The following USP12 variants were observed in gnomAD, a reference collection of about 807,000 sequenced individuals.
USP12 encodes the protein ubiquitin specific peptidase 12.
A neutral mutation model predicts 45.5 loss-of-function variants in USP12; 19 were observed. The observed-to-expected ratio is 0.42, with a 90% CI of 0.29 to 0.61. The LOEUF (loss-of-function observed/expected upper bound fraction) is 0.61, where lower values mean the gene tolerates loss of function less well. Ranked by LOEUF, USP12 falls within the 20% of genes least tolerant of loss-of-function variation. The pLI is 0.22. For missense variants in USP12, 242 were observed against 447.7 expected, an observed-to-expected ratio of 0.54 and a Z score of 4.15; for synonymous variants, 149 against 148.8, an observed-to-expected ratio of 1.00 and a Z score of -0.01.
intron 6 of USP12, among the ~76,000 whole-genome samples, chr13:27,076,537 G>T (rs374196279): frequency 1.3e-5 from 2 of 152,156 alleles, no homozygotes; most frequent in African/African-American, 4.8e-5. Flanking sequence ...AACAATTTTA[G>T]GTGATTATGG....
At chr13:27,096,995 A>G (rs1449461766) in intron 3 of USP12, among the ~76,000 whole-genome samples, 2 of 152,176 alleles carry the variant, frequency 1.3e-5, no homozygotes, top group Admixed American at 1.3e-4. Context: ...TCTTTAAAAA[A>G]GTTTTAAAAA....
intron 1 of USP12, 37 bp downstream of exon 1, chr13:27,171,555 T>TCCCGGCAGC: frequency 8.4e-7 from 1 of 1,189,066 alleles, no homozygotes; most frequent in African/African-American, 1.8e-5. Context: ...GCCCGAGAGG[T>TCCCGGCAGC]CCCGGCAGCC....
chr13:27,132,605 T>A (rs1057212292), intron 1 of USP12, among the ~76,000 whole-genome samples: 1 of 152,200 alleles, frequency 6.6e-6, no homozygotes, highest in Non-Finnish European at 1.5e-5. Context: ...AGTGTAAGTA[T>A]CTCAAGAGGG....
At chr13:27,118,579 T>C (rs1593193968) in intron 1 of USP12, among the ~76,000 whole-genome samples, 1 of 152,166 alleles carries the variant, frequency 6.6e-6, no homozygotes, top group Non-Finnish European at 1.5e-5. Flanking sequence ...GTCCCTGACA[T>C]ATGTTGAAAA....
chr13:27,080,443 C>T (rs1045953092), intron 6 of USP12, among the ~76,000 whole-genome samples: 1 of 152,182 alleles, frequency 6.6e-6, no homozygotes, highest in Non-Finnish European at 1.5e-5. Flanking sequence ...AGGGCAGATA[C>T]TCAGAGATGG....
At chr13:27,077,720 C>T (rs938071161) in intron 6 of USP12, 2 of 152,004 alleles carry the variant, frequency 1.3e-5, no homozygotes, top group African/African-American at 4.8e-5. Flanking sequence ...CTTGAACATA[C>T]GTGTAAGGAG....
At chr13:27,100,614 C>T (rs1244422084) in intron 3 of USP12, among the ~76,000 whole-genome samples, 1 of 152,178 alleles carries the variant, frequency 6.6e-6, no homozygotes, top group African/African-American at 2.4e-5. Context: ...GTGCATGCAC[C>T]TCAATCCCGT....
At chr13:27,112,426 G>A (rs935136524) in intron 2 of USP12, among the ~76,000 whole-genome samples, 9 of 151,216 alleles carry the variant, frequency 6.0e-5, no homozygotes, top group Non-Finnish European at 1.2e-4. Context: ...TGGGACCTCA[G>A]GCACTCAGGC....
Position 27,069,190 on chromosome 13 carries a change from A to G in USP12, c.*93T>C, listed in dbSNP as rs1358064665. On this transcript the variant is annotated 3_prime_UTR_variant, in exon 9 of 9. Transcript: ENST00000282344. ...TGCTACTGCCCCCTGAGCTTCCTGCATTTCTCTTTTCTTGAAAAATCAGTG... is the reference window on the plus strand; with the variant it reads ...TGCTACTGCCCCCTGAGCTTCCTGCGTTTCTCTTTTCTTGAAAAATCAGTG... 2 of 1,106,370 alleles carry G rather than the reference A, an allele frequency of 1.8e-6. No individual in the cohort carries two copies. The highest frequency in any genetic ancestry group is 1.8e-5 in the Admixed American group (1 of 54,876). 68.5% of individuals were successfully genotyped at this position (1,106,370 alleles called of 1,614,324 possible).
Position 27,129,872 on chromosome 13 carries a change from G to T in USP12, c.49-13276C>A, listed in dbSNP as rs144387368. Among the ~76,000 whole-genome samples, 2 of 152,124 alleles carry T rather than the reference G, an allele frequency of 1.3e-5. No individual in the cohort carries two copies. The highest frequency in any genetic ancestry group is 1.5e-5 in the Non-Finnish European group (1 of 68,014). On this transcript the variant is annotated intron_variant, in intron 1 of 8. Transcript: ENST00000282344. This position sits in a 1 kb window ranked among gnomAD's most constrained non-coding sequence, Gnocchi z 4.0. Reference sequence around the variant, plus strand: ...CTGGCTGCCAACTGGCATGAAGCACGGTCACATCCAAAACATACGAGTGGA... The same window carrying T: ...CTGGCTGCCAACTGGCATGAAGCACTGTCACATCCAAAACATACGAGTGGA...
chr13:27,150,405 T>C (rs1024915289), intron 1 of USP12, among the ~76,000 whole-genome samples: 11 of 152,042 alleles, frequency 7.2e-5, no homozygotes, highest in African/African-American at 2.7e-4. Flanking sequence ...GTTTCAAAAC[T>C]CTGAAAACTA....
intron 1 of USP12, among the ~76,000 whole-genome samples, chr13:27,130,008 A>G (rs921115413): frequency 1.3e-5 from 2 of 152,160 alleles, no homozygotes; most frequent in Non-Finnish European, 2.9e-5. Context: ...CTTAGAACCT[A>G]ATCAGACATT....
intron 2 of USP12, among the ~76,000 whole-genome samples, chr13:27,108,621 T>C (rs1488981358): frequency 1.3e-5 from 2 of 151,944 alleles, no homozygotes; most frequent in Non-Finnish European, 2.9e-5. Flanking sequence ...ATTACTGCAA[T>C]GGACCAAAAC....
intron 1 of USP12, chr13:27,170,125 A>G: frequency 2.5e-6 from 1 of 393,750 alleles, no homozygotes. Flanking sequence ...TCCATTTAAT[A>G]CAAATGCTTT....
intron 1 of USP12, among the ~76,000 whole-genome samples, chr13:27,124,714 T>C (rs1876146769): frequency 6.6e-6 from 1 of 152,116 alleles, no homozygotes; most frequent in African/African-American, 2.4e-5. Flanking sequence ...GGTGTGAAGG[T>C]ATAAACACAA....
chr13:27,150,664 A>C (rs1263765268), intron 1 of USP12, among the ~76,000 whole-genome samples: 1 of 152,206 alleles, frequency 6.6e-6, no homozygotes, highest in African/African-American at 2.4e-5. Flanking sequence ...ACGAGACTGC[A>C]ATGAGCTATA....
chr13:27,135,990 G>A (rs1322803407), intron 1 of USP12, among the ~76,000 whole-genome samples: 1 of 152,146 alleles, frequency 6.6e-6, no homozygotes, highest in African/African-American at 2.4e-5. Flanking sequence ...ATTCTCAAAT[G>A]ATTCCTGCCC....
intron 4 of USP12, among the ~76,000 whole-genome samples, chr13:27,092,547 C>A (rs1874367077): frequency 6.6e-6 from 1 of 152,228 alleles, no homozygotes; most frequent in South Asian, 2.1e-4. Context: ...AAGACAGTGA[C>A]CAGAAATACA....
intron 1 of USP12, among the ~76,000 whole-genome samples, chr13:27,162,256 A>C (rs1253290705): frequency 6.6e-6 from 1 of 152,236 alleles, no homozygotes; most frequent in Non-Finnish European, 1.5e-5. Context: ...CGGCCTACCC[A>C]AGTGAAAATA....
Sources: gnomAD v4.1 joint callset for allele counts (sites outside exome capture counted in the v4.1 genomes callset) on GRCh38, gnomAD v4.1.1 for gene constraint, Gnocchi (gnomAD v3.1) non-coding constraint, MANE v1.5 for transcripts, NCBI Gene and HGNC (gene_info 2026-07-23, HGNC 2026-07-21) for gene names.